The following RGS6 variants were observed in gnomAD, a reference collection of about 807,000 sequenced individuals.
The protein encoded by RGS6 is regulator of G protein signaling 6.
RGS6 carries 30 observed loss-of-function variants against 78.5 expected under a neutral mutation model. That is an observed-to-expected ratio of 0.38 (90% CI 0.29 to 0.52). The LOEUF is 0.52. RGS6 is among the 20% of genes least tolerant of loss of function. RGS6 has a pLI of 0.85. For synonymous variants in RGS6, 206 were observed against 206.0 expected (o/e 1.00, Z 0.00); for missense variants, 495 against 609.7 (o/e 0.81, Z 1.98).
chr14:72,242,333 T>C (rs576913438), intron 2 of RGS6, among the ~76,000 whole-genome samples: 1 of 152,222 alleles, frequency 6.6e-6, no homozygotes, highest in South Asian at 2.1e-4. Context: ...GAAACTGCCT[T>C]TGAGGGGAGT....
intron 3 of RGS6, among the ~76,000 whole-genome samples, chr14:72,363,625 A>G (rs1272327238): frequency 1.3e-5 from 2 of 152,158 alleles, no homozygotes; most frequent in Non-Finnish European, 2.9e-5. Context: ...GCAGAGGGTA[A>G]CTCATCCAAA....
intron 2 of RGS6, among the ~76,000 whole-genome samples, chr14:72,269,685 C>T (rs2059641796): frequency 6.6e-6 from 1 of 151,536 alleles, no homozygotes; most frequent in South Asian, 2.1e-4. Flanking sequence ...CTGCCTCAGC[C>T]TCCCAAATAG....
At chr14:72,168,126 C>G (rs2096954471) in intron 2 of RGS6, among the ~76,000 whole-genome samples, 1 of 152,296 alleles carries the variant, frequency 6.6e-6, no homozygotes, top group Admixed American at 6.5e-5. Flanking sequence ...AAGGTTGGAG[C>G]CAGTTCATGG....
At chr14:72,349,184 A>G (rs2078649578) in intron 2 of RGS6, among the ~76,000 whole-genome samples, 1 of 152,204 alleles carries the variant, frequency 6.6e-6, no homozygotes, top group Non-Finnish European at 1.5e-5. Context: ...TATATAAAAT[A>G]AAAAATAAAT....
Position 72,540,033 on chromosome 14 carries a change from TCCTAAAGC to T in RGS6, c.1369-6_1370del. The T allele has an allele frequency of 6.4e-7, 1 of 1,563,514 alleles. No homozygotes were observed. The highest frequency in any genetic ancestry group is 1.4e-5 in the African/African-American group (1 of 72,782). On this transcript the variant is annotated splice_acceptor_variant and splice_polypyrimidine_tract_variant and coding_sequence_variant and intron_variant, in exon 17 of 18. Transcript: ENST00000553525. LOFTEE classifies it high-confidence loss of function. ...TTTTCTCCCTACCCTTTTTTTTTTTTCCTAAAGCCAGAAAGTGAGCAAGGTCGTAGAAC... is the reference window on the plus strand; with the variant it reads ...TTTTCTCCCTACCCTTTTTTTTTTTTCAGAAAGTGAGCAAGGTCGTAGAAC...
downstream of RGS6, among the ~76,000 whole-genome samples, chr14:72,566,964 CGACA>C (rs2097713890): frequency 6.6e-6 from 1 of 152,132 alleles, no homozygotes; most frequent in Admixed American, 6.6e-5. Context: ...GTTTCCTGAG[CGACA>C]GACAGTTGCA....
rs149468530 is a variant in RGS6, at chr14:72,211,547, A to G, written c.85-140548A>G. Among the ~76,000 whole-genome samples, 39 of 152,318 alleles carry G rather than the reference A, an allele frequency of 2.6e-4. 1 individual carries two copies. The highest frequency in any genetic ancestry group is 8.9e-4 in the African/African-American group (37 of 41,566). On this transcript the variant is annotated intron_variant, in intron 2 of 17. Coordinates refer to ENST00000553525, the MANE Select transcript of RGS6 (RefSeq NM_001204424.2). The stretch of plus-strand genomic sequence containing the variant: ...AGGACTAGGAAATAATTTATTTTAG[A>G]TGGGAGATATTTGAATAGGTTCAAA...
intron 10 of RGS6, among the ~76,000 whole-genome samples, chr14:72,475,480 C>T (rs2096215814): frequency 6.6e-6 from 1 of 152,044 alleles, no homozygotes; most frequent in Non-Finnish European, 1.5e-5. Context: ...CTTGTAATCC[C>T]AACACTTGGG....
At chr14:72,591,745 C>T in the RGS6 span, among the ~76,000 whole-genome samples, 4 of 152,144 alleles carry the variant, frequency 2.6e-5, no homozygotes, top group African/African-American at 9.7e-5. Context: ...CAGACCAGTT[C>T]GCAGAAGAGA....
At chr14:72,212,052 A>C (rs1029741444) in intron 2 of RGS6, among the ~76,000 whole-genome samples, 3 of 152,230 alleles carry the variant, frequency 2.0e-5, no homozygotes, top group Non-Finnish European at 4.4e-5. Flanking sequence ...AAACTAGCAT[A>C]GAACCAGTAC....
the RGS6 span, among the ~76,000 whole-genome samples, chr14:72,601,957 G>T: frequency 1.3e-5 from 2 of 152,348 alleles, no homozygotes; most frequent in Non-Finnish European, 2.9e-5. Context: ...GGGGGCGCTT[G>T]TGGCCTTTGC....
At chr14:71,899,664 G>T in the RGS6 span, among the ~76,000 whole-genome samples, 1 of 152,186 alleles carries the variant, frequency 6.6e-6, no homozygotes, top group African/African-American at 2.4e-5. Context: ...GATCTAATCA[G>T]CTGGTAACTT....
At chr14:72,083,407 A>G (rs796154010) in intron 2 of RGS6, among the ~76,000 whole-genome samples, 12 of 152,314 alleles carry the variant, frequency 7.9e-5, no homozygotes, top group African/African-American at 2.4e-4. Context: ...GCTTCCCACA[A>G]TACAGAATGA....
intron 2 of RGS6, among the ~76,000 whole-genome samples, chr14:72,112,385 G>A (rs1251332750): frequency 6.6e-6 from 1 of 152,138 alleles, no homozygotes; most frequent in Non-Finnish European, 1.5e-5. Flanking sequence ...TCTCCTCCAG[G>A]GATTAAGAGA....
intron 2 of RGS6, among the ~76,000 whole-genome samples, chr14:72,089,505 A>G (rs1339649206): frequency 2.0e-5 from 3 of 152,242 alleles, no homozygotes; most frequent in Non-Finnish European, 2.9e-5. Flanking sequence ...TCTACAATGT[A>G]TCTTTCCTGT....
At chr14:72,149,329 G>A (rs912280701) in intron 2 of RGS6, among the ~76,000 whole-genome samples, 1 of 152,176 alleles carries the variant, frequency 6.6e-6, no homozygotes, top group African/African-American at 2.4e-5. Context: ...CATATTCAGG[G>A]TAAGGGGAAT....
intron 2 of RGS6, among the ~76,000 whole-genome samples, chr14:72,003,541 A>C (rs1314294745): frequency 2.6e-5 from 4 of 152,196 alleles, no homozygotes; most frequent in Non-Finnish European, 5.9e-5. Flanking sequence ...CTTTGGATGT[A>C]TATAAAACCT....
the RGS6 span, among the ~76,000 whole-genome samples, chr14:71,924,627 A>G: frequency 5.9e-5 from 9 of 152,342 alleles, no homozygotes; most frequent in East Asian, 5.8e-4. Context: ...GATTCCACAT[A>G]TAAGTGAGAT....
chr14:72,215,473 AG>A (rs2045342035), intron 2 of RGS6, among the ~76,000 whole-genome samples: 2 of 152,206 alleles, frequency 1.3e-5, no homozygotes, highest in Non-Finnish European at 2.9e-5. Context: ...TTCTGCAGAA[AG>A]GGTACACTCA....
Sources: allele counts gnomAD v4.1 joint callset (sites outside exome capture counted in the v4.1 genomes callset), GRCh38; gene constraint gnomAD v4.1.1; transcripts MANE v1.5; gene names NCBI Gene and HGNC (gene_info 2026-07-23, HGNC 2026-07-21).